The following ADGRL2 variants were observed in gnomAD, a reference collection of about 807,000 sequenced individuals.
ADGRL2 encodes the protein calcium-independent alpha-latrotoxin receptor 2.
Under a neutral mutation model 157.4 loss-of-function variants are expected in ADGRL2, and 44 were observed. That is an observed-to-expected ratio of 0.28 (90% confidence interval 0.22 to 0.36). ADGRL2 has a LOEUF of 0.36. Ranked by LOEUF, ADGRL2 falls within the 10% of genes least tolerant of loss-of-function variation. The probability of loss-of-function intolerance (pLI) is 1.00; values close to 1 mark genes in which losing one functional copy is unlikely to be tolerated. For synonymous variants in ADGRL2, 585 were observed against 624.7 expected (o/e 0.94, Z 0.95); for missense variants, 1,510 against 1,768.9 (o/e 0.85, Z 2.63).
chr1:81,329,597 A>G (rs1413479013), intron 1 of ADGRL2, among the ~76,000 whole-genome samples: 1 of 152,194 alleles, frequency 6.6e-6, no homozygotes, highest in Non-Finnish European at 1.5e-5. Context: ...TTTTAGCTTC[A>G]TATGTCTGCC....
intron 1 of ADGRL2, among the ~76,000 whole-genome samples, chr1:81,377,801 CCTT>C (rs35088153): frequency 0.57 from 87,132 of 151,656 alleles, 25,860 homozygotes; most frequent in East Asian, 0.94. Context: ...CATCCTACCT[CCTT>C]AACACCACAT....
At chr1:81,930,597 A>G (rs1178755370) in intron 3 of ADGRL2, among the ~76,000 whole-genome samples, 1 of 152,212 alleles carries the variant, frequency 6.6e-6, no homozygotes, top group Non-Finnish European at 1.5e-5. Context: ...TTTGAAATAT[A>G]TGTTGTGCAC....
chr1:81,425,090 C>G (rs1261066589), intron 1 of ADGRL2, among the ~76,000 whole-genome samples: 1 of 152,084 alleles, frequency 6.6e-6, no homozygotes, highest in East Asian at 1.9e-4. Context: ...TCCCCTAGCT[C>G]CATTCCATTC....
chr1:81,712,712 A>T (rs2083970878), intron 1 of ADGRL2, among the ~76,000 whole-genome samples: 1 of 151,138 alleles, frequency 6.6e-6, no homozygotes, highest in Non-Finnish European at 1.5e-5. Context: ...CTCAGAAAAC[A>T]CACTGCCTAT....
chr1:81,694,443 T>G (rs1182597179), intron 3 of ADGRL2, among the ~76,000 whole-genome samples: 1 of 151,930 alleles, frequency 6.6e-6, no homozygotes, highest in Non-Finnish European at 1.5e-5. Flanking sequence ...ATCTGGTACA[T>G]AGTAATAAAA....
chr1:81,736,062 G>A (rs569173000), intron 1 of ADGRL2, among the ~76,000 whole-genome samples: 95 of 148,786 alleles, frequency 6.4e-4, no homozygotes, highest in African/African-American at 2.2e-3. Flanking sequence ...AGAATGGCAT[G>A]AATCCAAGAG....
At chr1:81,713,255 G>A (rs1224710438) in intron 1 of ADGRL2, among the ~76,000 whole-genome samples, 3 of 152,062 alleles carry the variant, frequency 2.0e-5, no homozygotes, top group Admixed American at 1.3e-4. Context: ...ACTCTGAGAC[G>A]TGCATTTTTA....
At chr1:81,395,895 G>A (rs992673378) in intron 1 of ADGRL2, among the ~76,000 whole-genome samples, 4 of 152,172 alleles carry the variant, frequency 2.6e-5, no homozygotes, top group Admixed American at 6.5e-5. Flanking sequence ...TGTTCTATTC[G>A]TCTGTGTGTC....
Position 81,951,957 on chromosome 1 carries a change from A to C in ADGRL2, c.1609A>C (p.Ile537Leu). ...SHWVNQLAQK[I>L]RSGENAASLA... ...GAGATAATACAAATTGTTTTTTCAG[A>C]TCAGAAGCGGAGAAAATGCTGCTAG... The change falls in exon 9 of 24, where the codon ATC (isoleucine) becomes CTC (leucine). Residue 537 changes from isoleucine to leucine, a missense_variant and splice_region_variant. By Grantham distance (5) the Ile-to-Leu change is conservative. Coordinates refer to ENST00000686636, the MANE Select transcript of ADGRL2 (RefSeq NM_001366006.2). 1.2e-6 allele frequency: 2 copies of C among 1,602,060 alleles called. No homozygotes were observed. Among genetic ancestry groups the C allele is most frequent in the South Asian group, 2.2e-5 (2 of 89,040 alleles).
chr1:81,873,013 A>G (rs560510525), intron 2 of ADGRL2, among the ~76,000 whole-genome samples: 1 of 152,266 alleles, frequency 6.6e-6, no homozygotes, highest in South Asian at 2.1e-4. Context: ...AATTTATAGT[A>G]TGAAATCAGT....
intron 2 of ADGRL2, among the ~76,000 whole-genome samples, chr1:81,456,235 T>C (rs1269362699): frequency 6.6e-6 from 1 of 152,128 alleles, no homozygotes; most frequent in Non-Finnish European, 1.5e-5. Context: ...CCTTTCTCTT[T>C]TTTTAAGAGA....
chr1:81,409,952 G>T (rs2076920060), intron 1 of ADGRL2, among the ~76,000 whole-genome samples: 1 of 152,116 alleles, frequency 6.6e-6, no homozygotes, highest in Non-Finnish European at 1.5e-5. Flanking sequence ...GCAGTAAGAA[G>T]AACCTGCTTC....
intron 5 of ADGRL2, among the ~76,000 whole-genome samples, chr1:81,942,262 CCTTT>C (rs2148942076): frequency 6.6e-6 from 1 of 151,830 alleles, no homozygotes; most frequent in Non-Finnish European, 1.5e-5. Context: ...GGGGATCTGC[CCTTT>C]CTCTGTTTCT....
chr1:81,527,395 A>G (rs988395202), intron 2 of ADGRL2, among the ~76,000 whole-genome samples: 5 of 152,166 alleles, frequency 3.3e-5, no homozygotes, highest in Admixed American at 6.5e-5. Flanking sequence ...ACCAGCCCTC[A>G]TGAATGGGAT....
At chr1:81,429,467 C>T (rs1170502648) in intron 1 of ADGRL2, among the ~76,000 whole-genome samples, 3 of 152,124 alleles carry the variant, frequency 2.0e-5, no homozygotes, top group East Asian at 1.9e-4. Context: ...AAGAATATTT[C>T]GTATTCCTAA....
intron 17 of ADGRL2, among the ~76,000 whole-genome samples, chr1:81,976,530 C>A (rs1031930860): frequency 1.3e-5 from 2 of 151,916 alleles, no homozygotes; most frequent in African/African-American, 4.8e-5. Flanking sequence ...TTTTCCAATA[C>A]TTTTAGTTGT....
At chr1:81,940,444 T>G (rs965393179) in intron 4 of ADGRL2, among the ~76,000 whole-genome samples, 5 of 151,632 alleles carry the variant, frequency 3.3e-5, no homozygotes, top group African/African-American at 1.2e-4. Flanking sequence ...TAATGTTGAA[T>G]TTCTTGTTTT....
At chr1:81,635,726 T>C (rs1244397994) in intron 3 of ADGRL2, among the ~76,000 whole-genome samples, 1 of 152,140 alleles carries the variant, frequency 6.6e-6, no homozygotes, top group African/African-American at 2.4e-5. Flanking sequence ...CCTCCTAAGA[T>C]ATCACATTGG....
At chr1:81,396,454 T>C (rs2076656721) in intron 1 of ADGRL2, among the ~76,000 whole-genome samples, 1 of 152,180 alleles carries the variant, frequency 6.6e-6, no homozygotes, top group African/African-American at 2.4e-5. Flanking sequence ...CAAGGAAAGT[T>C]TTACTTAGTC....
Sources: gnomAD v4.1 joint callset for allele counts (sites outside exome capture counted in the v4.1 genomes callset) on GRCh38, gnomAD v4.1.1 for gene constraint, MANE v1.5 for transcripts, NCBI Gene and HGNC (gene_info 2026-07-23, HGNC 2026-07-21) for gene names.